The following LCOR variants were observed in gnomAD, a reference collection of about 807,000 sequenced individuals.
LCOR encodes ligand dependent nuclear receptor corepressor, also known as ligand-dependent corepressor.
Under a neutral mutation model 64.4 loss-of-function variants are expected in LCOR, and 14 were observed. That is an observed-to-expected ratio of 0.22 (90% CI 0.14 to 0.34). LCOR has a LOEUF of 0.34. Ranked by LOEUF, LCOR falls within the 10% of genes least tolerant of loss-of-function variation. The probability of loss-of-function intolerance (pLI) is 1.00; values close to 1 mark genes in which losing one functional copy is unlikely to be tolerated. For missense variants in LCOR, 1,686 were observed against 1,765.3 expected, an observed-to-expected ratio of 0.96 and a Z score of 0.80; for synonymous variants, 643 against 642.5, an observed-to-expected ratio of 1.00 and a Z score of -0.01.
chr10:96,853,758 A>G (rs1415794040), intron 2 of LCOR, among the ~76,000 whole-genome samples: 1 of 152,180 alleles, frequency 6.6e-6, no homozygotes, highest in Non-Finnish European at 1.5e-5. Flanking sequence ...GAAATACCCA[A>G]GACTGGGTAA....
At chr10:96,860,090 CAG>C (rs1325318650) in intron 2 of LCOR, among the ~76,000 whole-genome samples, 1 of 152,054 alleles carries the variant, frequency 6.6e-6, no homozygotes, top group Non-Finnish European at 1.5e-5. Context: ...TGTTATCTAA[CAG>C]AAATGGATAT....
intron 2 of LCOR, among the ~76,000 whole-genome samples, chr10:96,849,858 C>CTTTTTTTTTT (rs964263701): frequency 6.9e-5 from 8 of 115,692 alleles, no homozygotes; most frequent in South Asian, 2.8e-4. Flanking sequence ...GTGTCACTCA[C>CTTTTTTTTTT]TTTTTTTTTT....
intron 2 of LCOR, among the ~76,000 whole-genome samples, chr10:96,902,990 G>C (rs1846666882): frequency 6.6e-6 from 1 of 152,108 alleles, no homozygotes; most frequent in South Asian, 2.1e-4. Flanking sequence ...CTGCAAATCT[G>C]TACAGCACAT....
intron 2 of LCOR, among the ~76,000 whole-genome samples, chr10:96,845,305 T>C (rs754958442): frequency 7.9e-5 from 12 of 152,204 alleles, no homozygotes; most frequent in East Asian, 1.9e-4. Flanking sequence ...CGTCGGTGTT[T>C]ATGAGTATTT....
intron 2 of LCOR, among the ~76,000 whole-genome samples, chr10:96,885,598 G>A (rs1205435868): frequency 7.6e-6 from 1 of 131,054 alleles, no homozygotes; most frequent in African/African-American, 2.9e-5. Flanking sequence ...AGGTCTTGCT[G>A]TGTTGCCCAA....
intron 6 of LCOR, 136 bp downstream of exon 6, chr10:96,949,431 C>T (rs1309061069): frequency 4.8e-6 from 4 of 834,496 alleles, no homozygotes; most frequent in Non-Finnish European, 7.6e-6. Context: ...TTATTTCTTA[C>T]TATGCAGTGA....
At chr10:96,920,751 TACACACAC>T (rs55839435) in intron 4 of LCOR, among the ~76,000 whole-genome samples, 3 of 118,884 alleles carry the variant, frequency 2.5e-5, no homozygotes, top group African/African-American at 3.9e-5. Context: ...TATATATGTA[TACACACAC>T]ACACACACAC....
At position 96,989,926 on chromosome 10, in the gene LCOR, C is replaced by A. The variant is rs1027106364; in HGVS notation, c.*4792C>A. On this transcript the variant is annotated 3_prime_UTR_variant, in exon 8 of 8. Transcript: ENST00000421806. The stretch of plus-strand genomic sequence containing the variant: ...TTGTCAGTGGCCCCAAATCACTGAT[C>A]GTTTTAGTTGTTTTGAAACAATTAT... 6.6e-6 allele frequency: 1 copy of A among 151,100 alleles called. No homozygotes were observed. Among genetic ancestry groups the A allele is most frequent in the African/African-American group, 2.4e-5 (1 of 41,016 alleles). 9.4% of individuals were successfully genotyped at this position (151,100 alleles called of 1,614,324 possible).
Position 96,981,746 on chromosome 10 carries a change from T to C in LCOR, c.1286T>C (p.Met429Thr). Residue 429 changes from methionine to threonine, a missense_variant, in exon 8 of 8, where the codon ATG becomes ACG. By Grantham distance (81) the Met-to-Thr change is moderately conservative. This residue lies in a region of LCOR where 1,293 missense variants were observed against 1,410.4 expected (regional missense o/e 0.92). Coordinates refer to ENST00000421806, the MANE Select transcript of LCOR (RefSeq NM_001346516.2). ...SKDGWLGPGP[M>T]PAVHKAANGH... is the part of the protein sequence containing the mutation. ...GATGGTTGGTTAGGCCCCGGCCCTA[T>C]GCCAGCTGTACACAAAGCGGCAAAT... 1 of 1,614,242 alleles carries C rather than the reference T, an allele frequency of 6.2e-7. No homozygotes were observed. Among genetic ancestry groups the C allele is most frequent in the Non-Finnish European group, 8.5e-7 (1 of 1,180,050 alleles).
chr10:96,993,825 A>G lies in LCOR; in HGVS notation c.*8691A>G, dbSNP rs1356673172. 6.6e-6 allele frequency: 1 copy of G among 151,518 alleles called. No individual in the cohort carries two copies. The highest frequency in any genetic ancestry group is 1.5e-5 in the Non-Finnish European group (1 of 67,926). 9.4% of individuals were successfully genotyped at this position (151,518 alleles called of 1,614,324 possible). A position where few individuals can be genotyped will look rare whatever the true frequency, so the allele number is the denominator to read the frequency against. ...TGGTCAGTACTCAGATCTGCAGAGC[A>G]GATTTCCAGATGTTCTTTCTGATGT... On this transcript the variant is annotated 3_prime_UTR_variant, in exon 8 of 8. Coordinates refer to ENST00000421806, the MANE Select transcript of LCOR (RefSeq NM_001346516.2).
chr10:96,948,745 A>G (rs1847627537), intron 5 of LCOR, among the ~76,000 whole-genome samples: 3 of 152,146 alleles, frequency 2.0e-5, no homozygotes, highest in Admixed American at 2.0e-4. Context: ...TCTTGCCCAT[A>G]AGATATTCTA....
intron 2 of LCOR, among the ~76,000 whole-genome samples, chr10:96,873,383 A>G (rs1055851645): frequency 6.6e-6 from 1 of 152,052 alleles, no homozygotes; most frequent in African/African-American, 2.4e-5. Context: ...GTATTCTAAC[A>G]TTTCTTTTCA....
intron 7 of LCOR, chr10:96,962,611 T>C (rs1847898767): frequency 6.6e-6 from 1 of 152,124 alleles, no homozygotes; most frequent in African/African-American, 2.4e-5. Flanking sequence ...CTAGTCAAAA[T>C]TAGTTACATT....
Position 96,984,582 on chromosome 10 carries a change from T to C in LCOR, c.4122T>C (p.Ser1374=), listed in dbSNP as rs759372979. The change falls in exon 8 of 8, where the codon AGT becomes AGC. Residue 1374 remains serine (S), a synonymous_variant. Transcript: ENST00000421806. ...DADGFPVKPK[S]TEGMKGRKGK... Reference sequence around the variant, plus strand: ...ATGGGTTTCCTGTTAAGCCCAAGAGTACTGAAGGAATGAAGGGAAGGAAGG... The same window carrying C: ...ATGGGTTTCCTGTTAAGCCCAAGAGCACTGAAGGAATGAAGGGAAGGAAGG... 6 of 1,613,652 alleles carry C rather than the reference T, an allele frequency of 3.7e-6. No homozygotes were observed. In the Admixed American group the frequency reaches 1.0e-4, roughly 27 times the overall value.
intron 2 of LCOR, among the ~76,000 whole-genome samples, chr10:96,850,443 G>A (rs2134377573): frequency 6.6e-6 from 1 of 152,248 alleles, no homozygotes; most frequent in South Asian, 2.1e-4. Flanking sequence ...ATGTTCAACA[G>A]GCTGGTTGCA....
At chr10:96,891,482 CTTTTTTT>C (rs745839487) in intron 2 of LCOR, among the ~76,000 whole-genome samples, 2 of 28,490 alleles carry the variant, frequency 7.0e-5, no homozygotes, top group African/African-American at 2.4e-4. Context: ...TTTTCTGACT[CTTTTTTT>C]TTTTTTTTTT....
intron 2 of LCOR, among the ~76,000 whole-genome samples, chr10:96,885,390 T>G (rs1002526304): frequency 6.6e-6 from 1 of 152,012 alleles, no homozygotes; most frequent in African/African-American, 2.4e-5. Context: ...GTTTTTGTTT[T>G]CGTTTTTTTG....
At chr10:96,849,552 T>C (rs922582241) in intron 2 of LCOR, among the ~76,000 whole-genome samples, 1 of 152,058 alleles carries the variant, frequency 6.6e-6, no homozygotes, top group Admixed American at 6.6e-5. Context: ...TTTGAAACGC[T>C]CCAAAATCTG....
intron 7 of LCOR, chr10:96,955,952 A>G: frequency 1.3e-6 from 2 of 1,590,018 alleles, no homozygotes; most frequent in Non-Finnish European, 1.7e-6. Flanking sequence ...TTACTGTACA[A>G]ACTGGGTGAG....
Sources: allele counts gnomAD v4.1 joint callset (sites outside exome capture counted in the v4.1 genomes callset), GRCh38; gene constraint gnomAD v4.1.1; regional missense constraint gnomAD v4.1.1; transcripts MANE v1.5; gene names NCBI Gene and HGNC (gene_info 2026-07-23, HGNC 2026-07-21).